LCK: variants seen among roughly 807,000 people sequenced by gnomAD.
LCK encodes the protein tyrosine-protein kinase Lck.
A neutral mutation model predicts 64.6 loss-of-function variants in LCK; 14 were observed. The observed-to-expected ratio is 0.22, with a 90% CI of 0.14 to 0.34. The LOEUF (loss-of-function observed/expected upper bound fraction) is 0.34. Ranked by LOEUF, LCK falls within the 10% of genes least tolerant of loss-of-function variation. The probability of loss-of-function intolerance (pLI) is 1.00; values close to 1 mark genes in which losing one functional copy is unlikely to be tolerated. For missense variants in LCK, 434 were observed against 668.1 expected (o/e 0.65, Z 3.86); for synonymous variants, 277 against 263.6 (o/e 1.05, Z -0.49).
chr1:32,254,745 C>A (rs1470819085), intron 1 of LCK, among the ~76,000 whole-genome samples: 1 of 152,182 alleles, frequency 6.6e-6, no homozygotes, highest in Non-Finnish European at 1.5e-5. Flanking sequence ...CTCCCGATCT[C>A]AGGTGATCCG....
At chr1:32,271,491 A>G (rs576047167) in intron 1 of LCK, among the ~76,000 whole-genome samples, 1 of 152,290 alleles carries the variant, frequency 6.6e-6, no homozygotes, top group East Asian at 1.9e-4. Flanking sequence ...AGTCCGGGCA[A>G]CATAGCAATA....
chr1:32,280,443 C>CTTTTT lies in LCK; in HGVS notation c.1327+259_1327+263dup, dbSNP rs770430504. Among the ~76,000 whole-genome samples, 533 of 84,810 alleles carry CTTTTT rather than the reference C, an allele frequency of 6.3e-3. 4 individuals carry two copies. The highest frequency in any genetic ancestry group is 9.1e-3 in the African/African-American group (167 of 18,288). 55.6% of individuals were successfully genotyped at this position (84,810 alleles called of 152,430 possible). A position where few individuals can be genotyped will look rare whatever the true frequency, so the allele number is the denominator to read the frequency against. ...TTTCTTTTTCTCTTTTTTTCTTTTT[C>CTTTTT]TTTTTTTTTTTTTTTTTTTTTTTTT... On this transcript the variant is annotated intron_variant, in intron 12 of 12. Coordinates refer to ENST00000336890, the MANE Select transcript of LCK (RefSeq NM_005356.5).
intron 1 of LCK, among the ~76,000 whole-genome samples, chr1:32,268,877 C>T (rs1288076924): frequency 6.0e-5 from 9 of 150,572 alleles, no homozygotes; most frequent in Admixed American, 3.3e-4. Context: ...TGGCTCATTG[C>T]CTGTAATCCC....
chr1:32,263,939 G>A (rs533597832), intron 1 of LCK, among the ~76,000 whole-genome samples: 9 of 151,876 alleles, frequency 5.9e-5, no homozygotes, highest in African/African-American at 1.5e-4. Flanking sequence ...GAAGAAGACC[G>A]GAAGGATGGG....
Position 32,279,632 on chromosome 1 carries a change from G to C in LCK, c.965-39G>C, listed in dbSNP as rs1430826013. Reference sequence around the variant, plus strand: ...GAGAAAGGTCTGGGGGCCTCCCCCTGGGGCAACTTGGGCCAGCAACTCTTG... The same window carrying C: ...GAGAAAGGTCTGGGGGCCTCCCCCTCGGGCAACTTGGGCCAGCAACTCTTG... On this transcript the variant is annotated intron_variant, in intron 9 of 12. Coordinates refer to ENST00000336890, the MANE Select transcript of LCK (RefSeq NM_005356.5). 5 of 1,613,800 alleles carry C rather than the reference G, an allele frequency of 3.1e-6. No homozygotes were observed. In the East Asian group the frequency reaches 1.1e-4, roughly 36 times the overall value.
At chr1:32,278,020 T>A (rs1437720390) in intron 9 of LCK, among the ~76,000 whole-genome samples, 1 of 151,910 alleles carries the variant, frequency 6.6e-6, no homozygotes, top group Non-Finnish European at 1.5e-5. Context: ...TACAAAAAAA[T>A]GTTTAAAAAT....
rs1557586013 is a variant in LCK at position 32,276,727 on chromosome 1, G to A, written c.905G>A (p.Arg302Gln). 5 of 1,613,810 alleles carry A rather than the reference G, an allele frequency of 3.1e-6. No homozygotes were observed. The highest frequency in any genetic ancestry group is 1.1e-5 in the South Asian group (1 of 91,026). The change falls in exon 9 of 13, where the codon CGG (arginine) becomes CAG (glutamine). Residue 302 changes from arginine (R) to glutamine (Q), a missense_variant. By Grantham distance (43) the Arg-to-Gln change is conservative (BLOSUM62 1). Around this residue, in one of 2 missense-constraint regions of LCK, gnomAD observed 201 missense variants for 376.9 expected, o/e 0.53. Coordinates refer to ENST00000336890, the MANE Select transcript of LCK (RefSeq NM_005356.5). This position sits in a 1 kb window ranked among gnomAD's most constrained non-coding sequence, Gnocchi z 4.6. ...MKQLQHQRLV[R>Q]LYAVVTQEPI... ...CAGCTGCAACACCAGCGGCTGGTTC[G>A]GCTCTACGCTGTGGTCACCCAGGAG...
At chr1:32,256,770 C>T (rs1639642359) in intron 1 of LCK, among the ~76,000 whole-genome samples, 1 of 152,178 alleles carries the variant, frequency 6.6e-6, no homozygotes, top group Non-Finnish European at 1.5e-5. Context: ...TGCAGTGTGG[C>T]ATTTCCTAAA....
Position 32,276,932 on chromosome 1 carries a change from G to C in LCK, c.964+146G>C. On this transcript the variant is annotated intron_variant, in intron 9 of 12. Coordinates refer to ENST00000336890, the MANE Select transcript of LCK (RefSeq NM_005356.5). The surrounding 1 kb of genome is among the most constrained non-coding windows in gnomAD (Gnocchi z 4.6). ...CCTGCCCCCTGGAGACTCACCTCCA[G>C]CCGGGCGCGGTGGCTCAGGCCTGTA... The C allele has an allele frequency of 1.2e-6, 1 of 826,492 alleles. No homozygotes were observed. Among genetic ancestry groups the C allele is most frequent in the Non-Finnish European group, 1.8e-6 (1 of 567,488 alleles). 51.2% of individuals were successfully genotyped at this position (826,492 alleles called of 1,614,324 possible).
chr1:32,280,942 A>G (rs537914429), intron 12 of LCK, among the ~76,000 whole-genome samples: 5 of 152,186 alleles, frequency 3.3e-5, no homozygotes, highest in Non-Finnish European at 7.3e-5. Flanking sequence ...GTTTCCTGAT[A>G]CTAAAAATAA....
intron 1 of LCK, among the ~76,000 whole-genome samples, chr1:32,267,439 C>T (rs1474695103): frequency 6.6e-6 from 1 of 152,150 alleles, no homozygotes; most frequent in Non-Finnish European, 1.5e-5. Context: ...TTCCGGTACC[C>T]ATGGGAGGCT....
chr1:32,279,894 T>C lies in LCK; in HGVS notation c.1095T>C (p.Leu365=). Reference sequence around the variant, plus strand: ...AGCGGAATTATATTCATCGTGACCTTCGGGCTGCCAACATTCTGGTGTCTG... The same window carrying C: ...AGCGGAATTATATTCATCGTGACCTCCGGGCTGCCAACATTCTGGTGTCTG... ...IEERNYIHRD[L]RAANILVSDT... The change falls in exon 11 of 13, where the codon CTT becomes CTC. Residue 365 remains leucine (L), a synonymous_variant. Coordinates refer to ENST00000336890, the MANE Select transcript of LCK (RefSeq NM_005356.5). 1 of 1,614,204 alleles carries C rather than the reference T, an allele frequency of 6.2e-7. No homozygotes were observed. Among genetic ancestry groups the C allele is most frequent in the Middle Eastern group, 1.6e-4 (1 of 6,062 alleles).
At chr1:32,255,382 A>G (rs1427962240) in intron 1 of LCK, among the ~76,000 whole-genome samples, 1 of 152,228 alleles carries the variant, frequency 6.6e-6, no homozygotes, top group Non-Finnish European at 1.5e-5. Flanking sequence ...AATCCCCTGT[A>G]TACATATGTC....
rs988309352 is a variant in LCK, at chr1:32,276,980, G to A, written c.964+194G>A. The A allele has an allele frequency of 2.8e-5, 13 of 467,828 alleles. No individual in the cohort carries two copies. Among genetic ancestry groups the A allele is most frequent in the Non-Finnish European group, 4.1e-5 (11 of 268,822 alleles). The allele number at this position is 467,828 out of a possible 1,614,324, so 29.0% of individuals were successfully genotyped here. On this transcript the variant is annotated intron_variant, in intron 9 of 12. Transcript: ENST00000336890. The surrounding 1 kb of genome is among the most constrained non-coding windows in gnomAD (Gnocchi z 4.6). ...GTAATCCCAGCACTTTGGGAGCCGA[G>A]GCGGGCAGATCACGAGGTCAGGAGT...
intron 1 of LCK, among the ~76,000 whole-genome samples, chr1:32,266,409 A>G (rs1039557277): frequency 1.8e-4 from 27 of 149,642 alleles, no homozygotes; most frequent in African/African-American, 6.1e-4. Context: ...GAGGCAGGAG[A>G]AGGGCGTGAA....
intron 1 of LCK, among the ~76,000 whole-genome samples, chr1:32,253,526 C>T (rs184473868): frequency 6.6e-6 from 1 of 152,166 alleles, no homozygotes. Flanking sequence ...TCGTGATCCG[C>T]CCACCTCGGC....
At chr1:32,259,065 A>G (rs1257894558) in intron 1 of LCK, among the ~76,000 whole-genome samples, 2 of 151,670 alleles carry the variant, frequency 1.3e-5, no homozygotes, top group Non-Finnish European at 2.9e-5. Context: ...AATATGAAAA[A>G]GGAGGTAGCC....
intron 1 of LCK, among the ~76,000 whole-genome samples, chr1:32,259,155 T>G (rs922135374): frequency 6.6e-6 from 1 of 151,630 alleles, no homozygotes; most frequent in South Asian, 2.1e-4. Flanking sequence ...CCCAGCACTT[T>G]AAGGGGCTGA....
intron 1 of LCK, among the ~76,000 whole-genome samples, chr1:32,271,742 C>G (rs530890795): frequency 2.6e-4 from 40 of 152,312 alleles, no homozygotes; most frequent in Middle Eastern, 3.4e-3. Flanking sequence ...AGACTCTATG[C>G]ATTAACACTG....
Sources: allele counts gnomAD v4.1 joint callset (sites outside exome capture counted in the v4.1 genomes callset), GRCh38; gene constraint gnomAD v4.1.1; regional missense constraint gnomAD v4.1.1; non-coding constraint Gnocchi (gnomAD v3.1); transcripts MANE v1.5; gene names NCBI Gene and HGNC (gene_info 2026-07-23, HGNC 2026-07-21).